ALMS1: variants seen among roughly 807,000 people sequenced by gnomAD.
ALMS1 encodes ALMS1 centrosome and basal body associated protein.
In ALMS1, 271 loss-of-function variants were observed where a neutral mutation model predicts 352.2. That is an observed-to-expected ratio of 0.77 (90% confidence interval 0.70 to 0.85). The LOEUF (loss-of-function observed/expected upper bound fraction) is 0.85, where lower values mean the gene tolerates loss of function less well. Ranked by LOEUF, ALMS1 falls within the 40% of genes least tolerant of loss-of-function variation. The probability of loss-of-function intolerance (pLI) is 0.00; values close to 1 mark genes in which losing one functional copy is unlikely to be tolerated. For missense variants in ALMS1, 5,445 were observed against 4,870.7 expected (o/e 1.12, Z -3.51); for synonymous variants, 1,865 against 1,761.2 (o/e 1.06, Z -1.48).
chr2:73,573,141 C>A lies in ALMS1; in HGVS notation c.11264C>A (p.Ser3755Tyr). 1 of 1,613,940 alleles carries A rather than the reference C, an allele frequency of 6.2e-7. No individual in the cohort carries two copies. Among genetic ancestry groups the A allele is most frequent in the Non-Finnish European group, 8.5e-7 (1 of 1,179,958 alleles). Residue 3755 changes from serine to tyrosine, a missense_variant, in exon 16 of 23, where the codon TCC becomes TAC. By Grantham distance (144) the Ser-to-Tyr change is moderately radical. Coordinates refer to ENST00000613296, the MANE Select transcript of ALMS1 (RefSeq NM_001378454.1). ...LLTDTTTNILSGTTSTVESDI... is the reference protein window; with the variant it reads ...LLTDTTTNILYGTTSTVESDI... The stretch of plus-strand genomic sequence containing the variant: ...ACAGATACTACCACCAACATCCTTT[C>A]CGGCACCACTTCTACTGTCGAATCA...
chr2:73,399,971 G>A (rs1214344727), intron 1 of ALMS1, among the ~76,000 whole-genome samples: 2 of 145,082 alleles, frequency 1.4e-5, no homozygotes, highest in East Asian at 2.0e-4. Context: ...AGGGTCTGGC[G>A]TTGTCACCCA....
intron 15 of ALMS1, among the ~76,000 whole-genome samples, chr2:73,568,236 T>G (rs1269013280): frequency 6.6e-6 from 1 of 152,230 alleles, no homozygotes; most frequent in Non-Finnish European, 1.5e-5. Context: ...GAAACATTCA[T>G]GTACTCTTAT....
chr2:73,511,122 C>G (rs753619765), intron 10 of ALMS1, among the ~76,000 whole-genome samples: 1 of 152,204 alleles, frequency 6.6e-6, no homozygotes, highest in African/African-American at 2.4e-5. Flanking sequence ...GCTTGCTGGA[C>G]TCCTTGGGGG....
In ALMS1 at chr2:73,448,179, C is replaced by T; in HGVS notation, c.1652C>T (p.Thr551Ile). 6.2e-7 allele frequency: 1 copy of T among 1,614,054 alleles called. No individual in the cohort carries two copies. The highest frequency in any genetic ancestry group is 8.5e-7 in the Non-Finnish European group (1 of 1,179,922). ...TLADTHLTEE[T>I]LKVTAIPEPA... The stretch of plus-strand genomic sequence containing the variant: ...GCAGATACTCATCTAACTGAAGAGA[C>T]TCTGAAAGTCACAGCTATTCCTGAA... Residue 551 changes from threonine to isoleucine, a missense_variant, in exon 8 of 23, where the codon ACT becomes ATT. Transcript: ENST00000613296.
chr2:73,410,454 A>G (rs568273763), intron 2 of ALMS1, among the ~76,000 whole-genome samples: 2 of 152,164 alleles, frequency 1.3e-5, no homozygotes, highest in Non-Finnish European at 1.5e-5. Context: ...CACCTCACAG[A>G]CGTATCCAAA....
In ALMS1 at chr2:73,572,678, CT is replaced by C; in HGVS notation, c.10802del (p.Leu3601ArgfsTer60). On this transcript the variant is annotated frameshift_variant, in exon 16 of 23. Coordinates refer to ENST00000613296, the MANE Select transcript of ALMS1 (RefSeq NM_001378454.1). LOFTEE classifies it high-confidence loss of function. ...TCAGCACACTGTGAGTTTGAATGAA[CT>C]GTGGAACAAGTATCGGGAGCGACAG... is the stretch of plus-strand genomic sequence containing the variant. ...TTQHTVSLNE[L>X]WNKYRERQRQ... 6.2e-7 allele frequency: 1 copy of C among 1,614,050 alleles called. No individual in the cohort carries two copies. The highest frequency in any genetic ancestry group is 1.1e-5 in the South Asian group (1 of 91,066).
At chr2:73,541,470 A>G (rs1051720397) in intron 12 of ALMS1, among the ~76,000 whole-genome samples, 3 of 152,228 alleles carry the variant, frequency 2.0e-5, no homozygotes, top group African/African-American at 7.2e-5. Context: ...GAACTAGAGA[A>G]GCAAGAGCAA....
chr2:73,554,306 T>C (rs1424279724), intron 13 of ALMS1, among the ~76,000 whole-genome samples: 2 of 151,704 alleles, frequency 1.3e-5, no homozygotes, highest in Non-Finnish European at 2.9e-5. Flanking sequence ...CCAGGAAAGA[T>C]AAAATTGTGA....
intron 21 of ALMS1, among the ~76,000 whole-genome samples, chr2:73,606,359 A>C (rs1675817365): frequency 6.6e-6 from 1 of 152,182 alleles, no homozygotes; most frequent in South Asian, 2.1e-4. Flanking sequence ...GCTTCATTCT[A>C]ACTCAGTCAC....
chr2:73,448,393 C>T lies in ALMS1; in HGVS notation c.1866C>T (p.Tyr622=), dbSNP rs1474922476. Residue 622 remains tyrosine (Y), a synonymous_variant, in exon 8 of 23, where the codon TAC becomes TAT. Transcript: ENST00000613296. ...TGMSTLTSTS[Y]SHREKPGTFY... is the part of the protein sequence containing the mutation. ...TGTCAACTCTAACCTCTACTTCCTA[C>T]TCACATAGAGAGAAGCCTGGTACTT... The T allele has an allele frequency of 5.0e-6, 8 of 1,613,958 alleles. No individual in the cohort carries two copies. Among genetic ancestry groups the T allele is most frequent in the Middle Eastern group, 1.6e-4 (1 of 6,084 alleles).
intron 6 of ALMS1, among the ~76,000 whole-genome samples, chr2:73,429,909 C>T (rs1671466339): frequency 6.6e-6 from 1 of 151,770 alleles, no homozygotes; most frequent in South Asian, 2.1e-4. Flanking sequence ...GTTTCTTGGT[C>T]ATCTTTCATT....
chr2:73,457,088 A>G (rs1165803969), intron 9 of ALMS1: 1 of 152,188 alleles, frequency 6.6e-6, no homozygotes, highest in Non-Finnish European at 1.5e-5. Context: ...TGGTCACAGC[A>G]TAATTGGGCA....
intron 11 of ALMS1, among the ~76,000 whole-genome samples, chr2:73,532,585 TG>T (rs1391044764): frequency 1.3e-5 from 2 of 152,012 alleles, no homozygotes; most frequent in Non-Finnish European, 1.5e-5. Flanking sequence ...TTCGTCACCT[TG>T]GGTGAATGCT....
intron 10 of ALMS1, among the ~76,000 whole-genome samples, chr2:73,517,426 G>A (rs1572989583): frequency 6.6e-6 from 1 of 150,624 alleles, no homozygotes; most frequent in African/African-American, 2.4e-5. Flanking sequence ...TTTTTTTTAT[G>A]TTTTGTAGAG....
chr2:73,455,021 A>T lies in ALMS1; in HGVS notation c.7541-141A>T, dbSNP rs1672030562. 4.3e-6 allele frequency: 4 copies of T among 939,082 alleles called. No homozygotes were observed. The African/African-American group carries it at 6.5e-5, about 15-fold the overall frequency. The allele number at this position is 939,082 out of a possible 1,614,324, so 58.2% of individuals were successfully genotyped here. A position where few individuals can be genotyped will look rare whatever the true frequency, so the allele number is the denominator to read the frequency against. ...AGGATCTCTGTCAAGAATTTCTAAT[A>T]GGTTGTCATAATTGAGAAGAAGACA... On this transcript the variant is annotated intron_variant, in intron 8 of 22. Coordinates refer to ENST00000613296, the MANE Select transcript of ALMS1 (RefSeq NM_001378454.1).
intron 15 of ALMS1, among the ~76,000 whole-genome samples, chr2:73,563,096 T>TAA (rs1241000215): frequency 1.3e-4 from 19 of 140,854 alleles, no homozygotes; most frequent in Middle Eastern, 3.6e-3. Flanking sequence ...TCACCTATAT[T>TAA]AAAAAAAAAA....
chr2:73,495,140 T>G (rs560771425), intron 10 of ALMS1, among the ~76,000 whole-genome samples: 133 of 152,308 alleles, frequency 8.7e-4, no homozygotes, highest in Non-Finnish European at 1.7e-3. Flanking sequence ...TCTTTTTAGC[T>G]CTTTAGAGCA....
intron 1 of ALMS1, among the ~76,000 whole-genome samples, chr2:73,404,221 T>G (rs2103664681): frequency 6.6e-6 from 1 of 152,296 alleles, no homozygotes; most frequent in Non-Finnish European, 1.5e-5. Flanking sequence ...CAGTGTCGAT[T>G]TTAGTCTTTG....
At chr2:73,588,554 T>C (rs771088334) in intron 16 of ALMS1, among the ~76,000 whole-genome samples, 3 of 152,236 alleles carry the variant, frequency 2.0e-5, no homozygotes, top group Non-Finnish European at 4.4e-5. Context: ...CAGTTCTGTT[T>C]CTTGGTGTCT....
Sources: allele counts gnomAD v4.1 joint callset (sites outside exome capture counted in the v4.1 genomes callset), GRCh38; gene constraint gnomAD v4.1.1; transcripts MANE v1.5; gene names NCBI Gene and HGNC (gene_info 2026-07-23, HGNC 2026-07-21).